USP4: variants seen among roughly 807,000 people sequenced by gnomAD.
USP4 encodes ubiquitin specific peptidase 4, also known as ubiquitin carboxyl-terminal hydrolase 4.
Under a neutral mutation model 118.2 loss-of-function variants are expected in USP4, and 72 were observed. The observed-to-expected ratio is 0.61, with a 90% CI of 0.50 to 0.74. USP4 has a LOEUF of 0.74. Among genes scored for constraint, USP4 ranks in the 30% least tolerant of loss-of-function variants. USP4 has a pLI of 0.00. For synonymous variants in USP4, 415 were observed against 440.4 expected, an observed-to-expected ratio of 0.94 and a Z score of 0.72; for missense variants, 1,037 against 1,185.7, an observed-to-expected ratio of 0.87 and a Z score of 1.84.
At chr3:49,299,334 C>T (rs1040683317) in intron 11 of USP4, among the ~76,000 whole-genome samples, 3 of 151,780 alleles carry the variant, frequency 2.0e-5, no homozygotes, top group African/African-American at 4.8e-5. Context: ...GTGATCTGCC[C>T]GCCTCGGCCT....
rs1268447730 is a variant in USP4 at position 49,286,179 on chromosome 3, A to G, written c.2119T>C (p.Phe707Leu). The change falls in exon 16 of 22, where the codon TTT becomes CTT. Residue 707 changes from phenylalanine (F) to leucine (L), a missense_variant. Transcript: ENST00000265560. ...TAGGAGTTCACAAGACTGAAGGTAA[A>G]AAGCCTTTTTGGGCAGGGCTGGCCT... is the stretch of plus-strand genomic sequence containing the variant. ...IKGQPCPKRLFTFSLVNSYGT... is the reference protein window; with the variant it reads ...IKGQPCPKRLLTFSLVNSYGT... 4 of 1,614,050 alleles carry G rather than the reference A, an allele frequency of 2.5e-6. No homozygotes were observed. In the African/African-American group the frequency reaches 5.3e-5, roughly 22 times the overall value.
chr3:49,310,734 T>A lies in USP4; in HGVS notation c.840A>T (p.Gly280=), dbSNP rs1353037681. Residue 280 remains glycine (G), a synonymous_variant, in exon 8 of 22, where the codon GGA becomes GGT. Coordinates refer to ENST00000265560, the MANE Select transcript of USP4 (RefSeq NM_003363.4). Reference sequence around the variant, plus strand: ...AATTATACGAAGCAGAAAAGCCAGATCCACTGGAAAACACAACACACATCA... The same window carrying A: ...AATTATACGAAGCAGAAAAGCCAGAACCACTGGAAAACACAACACACATCA... ...GMHSSGVSRG[G]SGFSASYNCQ... is the part of the protein sequence containing the mutation. 1 of 1,612,928 alleles carries A rather than the reference T, an allele frequency of 6.2e-7. No individual in the cohort carries two copies. Among genetic ancestry groups the A allele is most frequent in the Non-Finnish European group, 8.5e-7 (1 of 1,178,972 alleles).
Position 49,294,583 on chromosome 3 carries a change from G to A in USP4, c.1707C>T (p.Ser569=). ...RDDIFVYEVC[S]TSVDGSECVT... ...CACATTCCGAGCCATCCACGGAAGT[G>A]CTGCAGACCTCGTACCTGCGTCAAT... is the stretch of plus-strand genomic sequence containing the variant. The change falls in exon 14 of 22, where the codon AGC becomes AGT. Residue 569 remains serine, a synonymous_variant. Transcript: ENST00000265560. 6.2e-7 allele frequency: 1 copy of A among 1,613,930 alleles called. No individual in the cohort carries two copies.
intron 13 of USP4, among the ~76,000 whole-genome samples, chr3:49,296,156 C>T (rs2047206907): frequency 6.7e-6 from 1 of 150,346 alleles, no homozygotes; most frequent in Non-Finnish European, 1.5e-5. Context: ...ACAGTGAAAC[C>T]CCATCTCTAC....
intron 10 of USP4, among the ~76,000 whole-genome samples, chr3:49,301,712 A>T (rs897651441): frequency 2.0e-5 from 3 of 152,238 alleles, no homozygotes; most frequent in South Asian, 2.1e-4. Context: ...AATAAATTTT[A>T]AAAATAAAGT....
At chr3:49,312,487 AT>A in intron 6 of USP4, 2 of 453,018 alleles carry the variant, frequency 4.4e-6, no homozygotes, top group South Asian at 1.6e-5. Context: ...AAAAAAAAAA[AT>A]TAGCCAGATG....
intron 6 of USP4, chr3:49,318,619 AAAC>A: frequency 1.0e-6 from 1 of 985,376 alleles, no homozygotes; most frequent in Non-Finnish European, 1.2e-6. Flanking sequence ...AATTAAATAT[AAAC>A]AACCGGCCAG....
At chr3:49,336,686 C>A (rs1236711961) in intron 1 of USP4, among the ~76,000 whole-genome samples, 4 of 151,570 alleles carry the variant, frequency 2.6e-5, no homozygotes, top group Non-Finnish European at 5.9e-5. Context: ...CCACACCTGG[C>A]TAATTTTGTA....
At position 49,292,694 on chromosome 3, in the gene USP4, T is replaced by C; in HGVS notation, c.1884-96A>G. 3 of 786,176 alleles carry C rather than the reference T, an allele frequency of 3.8e-6. 1 individual carries two copies. The highest frequency in any genetic ancestry group is 5.9e-5 in the Admixed American group (2 of 33,680). The allele number at this position is 786,176 out of a possible 1,614,324, so 48.7% of individuals were successfully genotyped here. On this transcript the variant is annotated intron_variant, in intron 14 of 21. Transcript: ENST00000265560. The stretch of plus-strand genomic sequence containing the variant: ...CGGCTAAGAAGTAGTTCATAATTTA[T>C]ATGGATGATAGCTACTGACAAAGCA...
rs1450729351 is a variant in USP4 at position 49,327,693 on chromosome 3, A to G, written c.353T>C (p.Val118Ala). ...ACAATTCACATAACTCACTTTTCTGACGATGGGTTGCTGGCCTTCTACACA... is the reference window on the plus strand; with the variant it reads ...ACAATTCACATAACTCACTTTTCTGGCGATGGGTTGCTGGCCTTCTACACA... ...YGCVEGQQPI[V>A]RKVVEHGLFV... Residue 118 changes from valine to alanine, a missense_variant, in exon 3 of 22, where the codon GTC (valine) becomes GCC (alanine). This residue lies in a region of USP4 where 487 missense variants were observed against 534.1 expected (regional missense o/e 0.91). Coordinates refer to ENST00000265560, the MANE Select transcript of USP4 (RefSeq NM_003363.4). The G allele has an allele frequency of 6.2e-7, 1 of 1,614,010 alleles. No individual in the cohort carries two copies. Among genetic ancestry groups the G allele is most frequent in the African/African-American group, 1.3e-5 (1 of 74,934 alleles).
At position 49,293,020 on chromosome 3, in the gene USP4, C is replaced by T. The variant is rs572182906; in HGVS notation, c.1884-422G>A. ...GCACTCCAGCCTGGGCAGAGAGCAA[C>T]TCTGTCTCAAAAAATAAATAAAATA... On this transcript the variant is annotated intron_variant, in intron 14 of 21. Coordinates refer to ENST00000265560, the MANE Select transcript of USP4 (RefSeq NM_003363.4). Among the ~76,000 whole-genome samples the T allele has an allele frequency of 1.0e-3, 157 of 151,394 alleles. 1 individual carries two copies. The highest frequency in any genetic ancestry group is 2.0e-3 in the Non-Finnish European group (138 of 67,772).
rs1339277717 is a variant in USP4 at position 49,277,320 on chromosome 3, G to A, written c.*973C>T. On this transcript the variant is annotated 3_prime_UTR_variant, in exon 22 of 22. Coordinates refer to ENST00000265560, the MANE Select transcript of USP4 (RefSeq NM_003363.4). ...CATACGTCCGGTTCCTTAAGGCCTT[G>A]CCCACACGCAGCGGCTGGCCCCGCG... 5 of 1,081,852 alleles carry A rather than the reference G, an allele frequency of 4.6e-6. No homozygotes were observed. The highest frequency in any genetic ancestry group is 6.1e-6 in the Non-Finnish European group (5 of 815,530). 67.0% of individuals were successfully genotyped at this position (1,081,852 alleles called of 1,614,324 possible).
chr3:49,295,711 C>T (rs1002425031), intron 13 of USP4, among the ~76,000 whole-genome samples: 3 of 147,938 alleles, frequency 2.0e-5, no homozygotes, highest in Non-Finnish European at 4.4e-5. Flanking sequence ...TGCGCGCGCG[C>T]GCGCACACAC....
chr3:49,314,767 G>A (rs1021251913), intron 6 of USP4, among the ~76,000 whole-genome samples: 5 of 152,290 alleles, frequency 3.3e-5, no homozygotes, highest in South Asian at 2.1e-4. Flanking sequence ...GCTCATGCCT[G>A]TAATCTTAGC....
At chr3:49,310,133 G>C (rs1177251756) in intron 8 of USP4, among the ~76,000 whole-genome samples, 1 of 146,324 alleles carries the variant, frequency 6.8e-6, no homozygotes. Flanking sequence ...ATCATTAGTA[G>C]AGATGGGGGT....
Position 49,277,334 on chromosome 3 carries a change from G to A in USP4, c.*959C>T, listed in dbSNP as rs1318892451. On this transcript the variant is annotated 3_prime_UTR_variant, in exon 22 of 22. Transcript: ENST00000265560. Reference sequence around the variant, plus strand: ...CTTAAGGCCTTGCCCACACGCAGCGGCTGGCCCCGCGGTGGGAGTGGGGAC... The same window carrying A: ...CTTAAGGCCTTGCCCACACGCAGCGACTGGCCCCGCGGTGGGAGTGGGGAC... 9 of 989,828 alleles carry A rather than the reference G, an allele frequency of 9.1e-6. No individual in the cohort carries two copies. Among genetic ancestry groups the A allele is most frequent in the African/African-American group, 1.7e-5 (1 of 59,110 alleles). 61.3% of individuals were successfully genotyped at this position (989,828 alleles called of 1,614,324 possible).
intron 2 of USP4, among the ~76,000 whole-genome samples, chr3:49,328,646 G>A (rs892383778): frequency 6.6e-6 from 1 of 151,800 alleles, no homozygotes; most frequent in African/African-American, 2.4e-5. Flanking sequence ...GATCACTTGA[G>A]GTCAGGAATT....
At chr3:49,282,009 C>CA (rs1252290929) in intron 19 of USP4, among the ~76,000 whole-genome samples, 70 of 144,348 alleles carry the variant, frequency 4.8e-4, no homozygotes, top group African/African-American at 6.1e-4. Flanking sequence ...GACACGGTCT[C>CA]AAAAAAAAAC....
At chr3:49,291,263 C>T (rs1197955248) in intron 15 of USP4, among the ~76,000 whole-genome samples, 9 of 148,880 alleles carry the variant, frequency 6.0e-5, no homozygotes, top group Admixed American at 4.0e-4. Flanking sequence ...CGCACCCAGC[C>T]TCAAGACCCT....
Sources: gnomAD v4.1 joint callset for allele counts (sites outside exome capture counted in the v4.1 genomes callset) on GRCh38, gnomAD v4.1.1 for gene constraint, gnomAD v4.1.1 regional missense constraint, MANE v1.5 for transcripts, NCBI Gene and HGNC (gene_info 2026-07-23, HGNC 2026-07-21) for gene names.